COL4A6: variants seen among roughly 807,000 people sequenced by gnomAD.
COL4A6 encodes collagen type IV alpha 6 chain, also known as collagen alpha-6(IV) chain.
In COL4A6, 59 loss-of-function variants were observed where a neutral mutation model predicts 126.7. That is an observed-to-expected ratio of 0.47 (90% CI 0.38 to 0.58). The LOEUF (loss-of-function observed/expected upper bound fraction) is 0.58. Ranked by LOEUF, COL4A6 falls within the 20% of genes least tolerant of loss-of-function variation. COL4A6 has a pLI of 0.00. For synonymous variants in COL4A6, 547 were observed against 496.6 expected, an observed-to-expected ratio of 1.10 and a Z score of -1.35; for missense variants, 1,285 against 1,337.3, an observed-to-expected ratio of 0.96 and a Z score of 0.61.
intron 2 of COL4A6, among the ~76,000 whole-genome samples, chrX:108,380,400 A>T (rs2040537003): frequency 8.9e-6 from 1 of 112,484 alleles, no homozygotes; most frequent in Admixed American, 9.4e-5. Flanking sequence ...TGCACTGGCC[A>T]GAGTGAACAG....
rs2035738164 is a variant in COL4A6, at chrX:108,212,454, A to G, written c.442-714T>C. Among the ~76,000 whole-genome samples, 3 of 111,495 alleles carry G rather than the reference A, an allele frequency of 2.7e-5. No individual in the cohort carries two copies. In the Admixed American group the frequency reaches 2.9e-4, roughly 11 times the overall value. On this transcript the variant is annotated intron_variant, in intron 6 of 44. Transcript: ENST00000334504. ...CTAGATTTTTTGCTGTCTTACTGGC[A>G]GATGCTGGCTAATATCTGTTAGAGT... is the stretch of plus-strand genomic sequence containing the variant.
intron 37 of COL4A6, among the ~76,000 whole-genome samples, chrX:108,168,510 C>G (rs780021877): frequency 8.9e-6 from 1 of 112,273 alleles, no homozygotes; most frequent in East Asian, 2.8e-4. Context: ...AGCCCCAGAG[C>G]AGAGAGAAAC....
chrX:108,426,659 T>C (rs147195649), intron 2 of COL4A6, among the ~76,000 whole-genome samples: 148 of 112,067 alleles, frequency 1.3e-3, no homozygotes, highest in Non-Finnish European at 2.1e-3. Context: ...AACAAATAAT[T>C]AAACAACTTT....
intron 2 of COL4A6, among the ~76,000 whole-genome samples, chrX:108,388,600 CTCTCT>C (rs1205221500): frequency 1.8e-5 from 2 of 110,897 alleles, no homozygotes; most frequent in Non-Finnish European, 3.8e-5. Context: ...TTTGATTCTT[CTCTCT>C]TCTCTTCTTT....
chrX:108,424,868 T>C (rs1421610518), intron 2 of COL4A6, among the ~76,000 whole-genome samples: 2 of 109,818 alleles, frequency 1.8e-5, no homozygotes, highest in Non-Finnish European at 3.8e-5. Flanking sequence ...AAAAATTAGC[T>C]GGGCATGGGG....
At chrX:108,323,398 A>G (rs1430649648) in intron 2 of COL4A6, among the ~76,000 whole-genome samples, 1 of 112,030 alleles carries the variant, frequency 8.9e-6, no homozygotes, top group Non-Finnish European at 1.9e-5. Flanking sequence ...GAGAAGTATC[A>G]TTGGAGAAGA....
intron 3 of COL4A6, among the ~76,000 whole-genome samples, chrX:108,264,533 G>C (rs1602956780): frequency 8.9e-6 from 1 of 111,836 alleles, no homozygotes; most frequent in Non-Finnish European, 1.9e-5. Flanking sequence ...AATTAAACTT[G>C]TCTCTTGCTG....
intron 2 of COL4A6, among the ~76,000 whole-genome samples, chrX:108,360,832 G>A (rs2040070643): frequency 9.0e-6 from 1 of 111,177 alleles, no homozygotes; most frequent in East Asian, 2.8e-4. Flanking sequence ...TACCGCACCC[G>A]GCCAACACTT....
intron 3 of COL4A6, among the ~76,000 whole-genome samples, chrX:108,245,192 TC>T (rs1342642339): frequency 2.7e-5 from 3 of 112,451 alleles, no homozygotes; most frequent in Non-Finnish European, 5.6e-5. Flanking sequence ...AAAAGGTCAG[TC>T]CGATAACATT....
intron 37 of COL4A6, among the ~76,000 whole-genome samples, chrX:108,166,174 C>G (rs2034123051): frequency 8.9e-6 from 1 of 112,626 alleles, no homozygotes; most frequent in South Asian, 3.6e-4. Flanking sequence ...TACTCATTTG[C>G]TCTAATTTTA....
chrX:108,254,070 C>A (rs930620329), intron 3 of COL4A6, among the ~76,000 whole-genome samples: 6 of 111,281 alleles, frequency 5.4e-5, no homozygotes, highest in African/African-American at 1.6e-4. Context: ...GACAGAAAAT[C>A]TTTCTTTGCT....
intron 3 of COL4A6, among the ~76,000 whole-genome samples, chrX:108,305,041 C>G (rs1189198726): frequency 8.9e-6 from 1 of 112,005 alleles, no homozygotes; most frequent in Non-Finnish European, 1.9e-5. Flanking sequence ...AACACTGTCT[C>G]TGCCCTTTAA....
rs773966427 is a variant in COL4A6 at position 108,286,233 on chromosome X, C to G, written c.144+24515G>C. Among the ~76,000 whole-genome samples, 3 of 111,809 alleles carry G rather than the reference C, an allele frequency of 2.7e-5. No homozygotes were observed. The East Asian group carries it at 8.4e-4, about 31-fold the overall frequency. ...CCGAAAGTATATAGAAGTGTGGGGG[C>G]TGGAATTTAAACAACCACAAACAAG... On this transcript the variant is annotated intron_variant, in intron 3 of 44. Transcript: ENST00000334504.
chrX:108,159,518 T>C lies in COL4A6; in HGVS notation c.4756A>G (p.Ile1586Val). The C allele has an allele frequency of 8.3e-7, 1 of 1,211,924 alleles. No individual in the cohort carries two copies. Among genetic ancestry groups the C allele is most frequent in the Non-Finnish European group, 1.1e-6 (1 of 895,544 alleles). Residue 1586 changes from isoleucine (I) to valine (V), a missense_variant, in exon 44 of 45, where the codon ATC becomes GTC. Coordinates refer to ENST00000334504, the MANE Select transcript of COL4A6 (RefSeq NM_033641.4). ...CGCCAGCCCAGGGGGCACTGCGGGA[T>C]GGTGATGTCCTGGCTGTGCACAGCA... ...AIAVHSQDIT[I>V]PQCPLGWRSL... is the part of the protein sequence containing the mutation.
At chrX:108,257,599 G>A (rs757664917) in intron 3 of COL4A6, among the ~76,000 whole-genome samples, 7 of 111,359 alleles carry the variant, frequency 6.3e-5, no homozygotes, top group Non-Finnish European at 1.3e-4. Context: ...GACTCTGCTT[G>A]TCCAAACCTC....
chrX:108,423,254 T>G (rs1454696701), intron 2 of COL4A6, among the ~76,000 whole-genome samples: 2 of 111,950 alleles, frequency 1.8e-5, no homozygotes, highest in East Asian at 5.6e-4. Flanking sequence ...AATTGACCAG[T>G]TAAATGTGAG....
chrX:108,204,013 T>C (rs1459453918), intron 12 of COL4A6, among the ~76,000 whole-genome samples: 1 of 112,100 alleles, frequency 8.9e-6, no homozygotes, highest in Non-Finnish European at 1.9e-5. Flanking sequence ...AACTATTTAA[T>C]GTTTATGTTA....
intron 3 of COL4A6, among the ~76,000 whole-genome samples, chrX:108,291,918 T>C (rs1465784910): frequency 1.8e-5 from 2 of 112,054 alleles, no homozygotes; most frequent in Admixed American, 9.5e-5. Context: ...TGTATTGTAT[T>C]GTTTATTGTA....
intron 3 of COL4A6, among the ~76,000 whole-genome samples, chrX:108,223,574 G>A (rs775618008): frequency 3.6e-5 from 4 of 111,124 alleles, no homozygotes; most frequent in Non-Finnish European, 7.5e-5. Flanking sequence ...TGGAAAGGTT[G>A]ATTGGAAAGG....
Sources: gnomAD v4.1 joint callset for allele counts (sites outside exome capture counted in the v4.1 genomes callset) on GRCh38, gnomAD v4.1.1 for gene constraint, MANE v1.5 for transcripts, NCBI Gene and HGNC (gene_info 2026-07-23, HGNC 2026-07-21) for gene names.